DUSP11: variants seen among roughly 807,000 people sequenced by gnomAD.
The protein encoded by DUSP11 is dual specificity phosphatase 11.
In DUSP11, 27 loss-of-function variants were observed where a neutral mutation model predicts 41.4. The observed-to-expected ratio is 0.65, with a 90% CI of 0.48 to 0.90. DUSP11 has a LOEUF of 0.90. Ranked by LOEUF, DUSP11 falls within the 40% of genes least tolerant of loss-of-function variation. The probability of loss-of-function intolerance (pLI) is 0.00; values close to 1 mark genes in which losing one functional copy is unlikely to be tolerated. For missense variants in DUSP11, 465 were observed against 461.1 expected (o/e 1.01, Z -0.08); for synonymous variants, 188 against 159.3 (o/e 1.18, Z -1.35).
At chr2:73,762,822 G>A (rs768242430) in exon 9 of DUSP11, 2 of 1,606,814 alleles carry the variant, frequency 1.2e-6, no homozygotes, top group Non-Finnish European at 1.7e-6. Flanking sequence ...GGAGGGAGAT[G>A]GTGTCTCTGG....
At chr2:73,762,536 T>C in exon 9 of DUSP11, 1 of 607,222 alleles carries the variant, frequency 1.6e-6, no homozygotes. Flanking sequence ...ATGCAATTTT[T>C]CCTTAAGCTT....
chr2:73,764,832 T>C (rs937636636), intron 8 of DUSP11, among the ~76,000 whole-genome samples: 8 of 152,066 alleles, frequency 5.3e-5, no homozygotes, highest in Non-Finnish European at 7.4e-5. Flanking sequence ...CTGGGCGTGG[T>C]GGCAGTGCCT....
intron 8 of DUSP11, 117 bp downstream of exon 8, chr2:73,766,299 ACT>A: frequency 3.2e-6 from 3 of 927,560 alleles, no homozygotes; most frequent in Admixed American, 3.3e-5. Flanking sequence ...ACAGAGCGAG[ACT>A]CTGTCTCCAA....
At chr2:73,764,814 A>G (rs1672426451) in intron 8 of DUSP11, among the ~76,000 whole-genome samples, 1 of 152,134 alleles carries the variant, frequency 6.6e-6, no homozygotes, top group African/African-American at 2.4e-5. Context: ...CTAAAATACA[A>G]AAGTTAGCTG....
At chr2:73,779,678 G>A (rs1672755270) in intron 1 of DUSP11, 196 bp downstream of exon 1, 2 of 797,548 alleles carry the variant, frequency 2.5e-6, no homozygotes, top group Admixed American at 2.9e-5. Flanking sequence ...ACAAGAATAT[G>A]GAGAAATCAC....
At chr2:73,766,109 ACCAT>A (rs911644772) in intron 8 of DUSP11, among the ~76,000 whole-genome samples, 2 of 152,142 alleles carry the variant, frequency 1.3e-5, no homozygotes, top group African/African-American at 4.8e-5. Context: ...GGAGATCAAG[ACCAT>A]CCTGTCTAAC....
At chr2:73,772,422 G>C (rs1159597805) in intron 4 of DUSP11, among the ~76,000 whole-genome samples, 3 of 152,168 alleles carry the variant, frequency 2.0e-5, no homozygotes, top group Non-Finnish European at 4.4e-5. Flanking sequence ...AGTGAGTACT[G>C]CAAGACTTAG....
chr2:73,765,201 G>A (rs935474214), intron 8 of DUSP11, among the ~76,000 whole-genome samples: 1 of 152,126 alleles, frequency 6.6e-6, no homozygotes, highest in South Asian at 2.1e-4. Context: ...CCAATAGGCT[G>A]GGGGCCTGGA....
At chr2:73,767,024 T>A in intron 6 of DUSP11, 121 bp from the exon 7 acceptor site, 1 of 1,223,826 alleles carries the variant, frequency 8.2e-7, no homozygotes, top group Non-Finnish European at 1.2e-6. Context: ...CATACATCTA[T>A]AGACTTTTGG....
At chr2:73,768,410 A>G in intron 5 of DUSP11, 3 of 975,070 alleles carry the variant, frequency 3.1e-6, no homozygotes, top group Non-Finnish European at 2.4e-6. Context: ...CTTACACATA[A>G]TAGATGCTCA....
At chr2:73,767,060 C>T (rs372338986) in intron 6 of DUSP11, 101 bp downstream of exon 6, 127 of 1,338,490 alleles carry the variant, frequency 9.5e-5, no homozygotes, top group Non-Finnish European at 1.3e-4. Context: ...TTGGAACAAA[C>T]GAATTACAAA....
At chr2:73,765,658 C>T (rs1212067617) in intron 8 of DUSP11, among the ~76,000 whole-genome samples, 1 of 152,210 alleles carries the variant, frequency 6.6e-6, no homozygotes, top group Non-Finnish European at 1.5e-5. Flanking sequence ...CCACTTTAAC[C>T]ATACTGAGGT....
intron 8 of DUSP11, among the ~76,000 whole-genome samples, chr2:73,763,980 G>C (rs1196083353): frequency 6.6e-6 from 1 of 152,186 alleles, no homozygotes; most frequent in Non-Finnish European, 1.5e-5. Flanking sequence ...AAATATAGCA[G>C]CTACAAGTTT....
At chr2:73,766,739 C>T in intron 7 of DUSP11, 89 bp downstream of exon 7, 1 of 1,371,404 alleles carries the variant, frequency 7.3e-7, no homozygotes, top group Non-Finnish European at 1.0e-6. Context: ...AACAAACAAG[C>T]TACCAGAAGA....
chr2:73,778,461 T>C (rs1375545073), intron 1 of DUSP11, 85 bp from the exon 2 acceptor site: 12 of 828,296 alleles, frequency 1.4e-5, no homozygotes, highest in Admixed American at 3.5e-5. Context: ...ATGGGAATCA[T>C]AGCCCGCACA....
chr2:73,779,922 G>A (rs1325392797), exon 1 of DUSP11: 3 of 1,614,110 alleles, frequency 1.9e-6, no homozygotes, highest in Non-Finnish European at 2.5e-6. Flanking sequence ...GGAGCGTCCT[G>A]AAAAGTCGCG....
intron 8 of DUSP11, among the ~76,000 whole-genome samples, chr2:73,764,723 T>C (rs1370847281): frequency 1.3e-5 from 2 of 152,158 alleles, no homozygotes; most frequent in African/African-American, 4.8e-5. Flanking sequence ...TCCCAGCACT[T>C]TGGGAGGCCG....
chr2:73,779,407 T>C (rs945263735), intron 1 of DUSP11: 1 of 177,438 alleles, frequency 5.6e-6, no homozygotes, highest in African/African-American at 2.4e-5. Context: ...GAGTTATCTT[T>C]CAAATGAGGC....
chr2:73,776,521 C>G (rs565352023), intron 2 of DUSP11, among the ~76,000 whole-genome samples: 84 of 152,172 alleles, frequency 5.5e-4, no homozygotes, highest in East Asian at 3.9e-4. Context: ...CTTCCCCAAC[C>G]CACCCAGACT....
Sources: allele counts gnomAD v4.1 joint callset (sites outside exome capture counted in the v4.1 genomes callset), GRCh38; gene constraint gnomAD v4.1.1; transcripts MANE v1.5; gene names NCBI Gene and HGNC (gene_info 2026-07-23, HGNC 2026-07-21).